Variants in NCAPD3 observed in about 807,000 individuals in gnomAD.
NCAPD3 encodes non-SMC condensin II complex subunit D3, also known as condensin-2 complex subunit D3.
NCAPD3 carries 105 observed loss-of-function variants against 182.9 expected under a neutral mutation model. That is an observed-to-expected ratio of 0.57 (90% CI 0.49 to 0.68). The LOEUF is 0.68. Ranked by LOEUF, NCAPD3 falls within the 30% of genes least tolerant of loss-of-function variation. The pLI is 0.00. For missense variants in NCAPD3, 1,944 were observed against 1,837.0 expected (o/e 1.06, Z -1.07); for synonymous variants, 815 against 679.9 (o/e 1.20, Z -3.09).
chr11:134,173,742 T>C (rs1944080372), intron 24 of NCAPD3: 1 of 152,626 alleles, frequency 6.6e-6, no homozygotes, highest in Non-Finnish European at 1.5e-5. Context: ...CAACTCACTG[T>C]CTGCTTTGTG....
At chr11:134,224,718 G>C (rs901603867), upstream of NCAPD3, 30 of 151,984 alleles carry the variant, frequency 2.0e-4, no homozygotes, top group African/African-American at 6.8e-4. Flanking sequence ...AGGCTGGGCA[G>C]CTCGCAGCGC....
At chr11:134,164,322 G>A (rs958281375) in intron 27 of NCAPD3, among the ~76,000 whole-genome samples, 1 of 152,252 alleles carries the variant, frequency 6.6e-6, no homozygotes, top group African/African-American at 2.4e-5. Flanking sequence ...AGATGACTGA[G>A]GGAGTTTTGA....
intron 3 of NCAPD3, among the ~76,000 whole-genome samples, chr11:134,212,338 AGAG>A (rs547323032): frequency 2.6e-4 from 39 of 151,674 alleles, no homozygotes; most frequent in African/African-American, 9.4e-4. Flanking sequence ...ATAACACACA[AGAG>A]GAGAGGAGAA....
rs1943485897 is a variant in NCAPD3, at chr11:134,158,357, G to T, written c.4006C>A (p.Pro1336Thr). The T allele has an allele frequency of 6.2e-7, 1 of 1,614,086 alleles. No individual in the cohort carries two copies. Among genetic ancestry groups the T allele is most frequent in the Non-Finnish European group, 8.5e-7 (1 of 1,180,054 alleles). ...GCTTTGGGCAGCAACCTCTGCAATG[G>T]CCCTGTTTCAGGTGTAGGAGATGAT... ...AVSSPTPETG[P>T]LQRLLPKARP... The change falls in exon 30 of 35, where the codon CCA becomes ACA. Residue 1336 changes from proline (P) to threonine (T), a missense_variant. This residue lies in a region of NCAPD3 where 1,803 missense variants were observed against 1,674.6 expected (regional missense o/e 1.08). Transcript: ENST00000534548.
chr11:134,174,484 G>A (rs1565532654), intron 24 of NCAPD3, among the ~76,000 whole-genome samples: 2 of 146,848 alleles, frequency 1.4e-5, no homozygotes, highest in Admixed American at 6.9e-5. Flanking sequence ...GGCACAGAAA[G>A]ATACATATAT....
rs746117158 is a variant in NCAPD3, at chr11:134,192,794, A to T, written c.1940T>A (p.Leu647Gln). Residue 647 changes from leucine to glutamine, a missense_variant, in exon 16 of 35, where the codon CTG becomes CAG. Leu to Gln is a moderately radical substitution (Grantham distance 113). Transcript: ENST00000534548. ...EKALEFLDQL[L>Q]LQNIRHHSHF... ...ACTGTGATGCCGGATGTTCTGCAGC[A>T]GCAGCTGGTCCAGGAACTCCAGGGC... 4 of 1,614,246 alleles carry T rather than the reference A, an allele frequency of 2.5e-6. No homozygotes were observed. In the South Asian group the frequency reaches 4.4e-5, roughly 18 times the overall value.
At position 134,151,656 on chromosome 11, in the gene NCAPD3, G is replaced by C. The variant is rs1943240327; in HGVS notation, c.*1288C>G. On this transcript the variant is annotated 3_prime_UTR_variant, in exon 35 of 35. Coordinates refer to ENST00000534548, the MANE Select transcript of NCAPD3 (RefSeq NM_015261.3). ...ATACGAGGCTGTGATTCTGCCTTTG[G>C]ATGGATGTTGCTGTACACAGATGCT... The C allele has an allele frequency of 6.6e-6, 1 of 152,154 alleles. No homozygotes were observed. The highest frequency in any genetic ancestry group is 1.5e-5 in the Non-Finnish European group (1 of 68,046). The allele number at this position is 152,154 out of a possible 1,614,324, so 9.4% of individuals were successfully genotyped here.
At chr11:134,184,871 T>C in intron 18 of NCAPD3, 32 bp downstream of exon 18, 2 of 1,543,674 alleles carry the variant, frequency 1.3e-6, no homozygotes, top group Non-Finnish European at 1.8e-6. Flanking sequence ...CAGCAATGCA[T>C]TTTCACATAA....
At chr11:134,153,548 C>T (rs1230201962) in intron 32 of NCAPD3, 185 bp from the exon 33 acceptor site, 12 of 641,928 alleles carry the variant, frequency 1.9e-5, no homozygotes, top group Non-Finnish European at 2.5e-5. Flanking sequence ...TGCTCCTTTC[C>T]GTCTCTCTGA....
At chr11:134,214,321 T>C (rs927299849) in intron 3 of NCAPD3, among the ~76,000 whole-genome samples, 2 of 151,902 alleles carry the variant, frequency 1.3e-5, no homozygotes, top group African/African-American at 4.8e-5. Flanking sequence ...AACTCAGAGA[T>C]GTAAGTAATG....
intron 22 of NCAPD3, among the ~76,000 whole-genome samples, chr11:134,178,305 TC>T (rs1211849537): frequency 2.6e-5 from 4 of 152,200 alleles, no homozygotes; most frequent in African/African-American, 9.7e-5. Flanking sequence ...ACAGGAATAT[TC>T]AAGTCAAGTG....
At chr11:134,156,964 C>G in intron 32 of NCAPD3, 54 bp downstream of exon 32, 1 of 1,463,102 alleles carries the variant, frequency 6.8e-7, no homozygotes, top group Non-Finnish European at 9.5e-7. Flanking sequence ...GCAAACACAT[C>G]ACGAATGCAG....
chr11:134,205,036 ACTC>A, intron 8 of NCAPD3, 65 bp from the exon 9 acceptor site: 1 of 1,207,232 alleles, frequency 8.3e-7, no homozygotes, highest in South Asian at 1.3e-5. Context: ...AAAAACCACT[ACTC>A]CTATATTTAG....
rs769100678 is a variant in NCAPD3, at chr11:134,208,891, G to A, written c.855C>T (p.Cys285=). 4 of 1,612,600 alleles carry A rather than the reference G, an allele frequency of 2.5e-6. No individual in the cohort carries two copies. In the East Asian group the frequency reaches 6.7e-5, roughly 27 times the overall value. Residue 285 remains cysteine, a synonymous_variant, in exon 7 of 35, where the codon TGC becomes TGT. Coordinates refer to ENST00000534548, the MANE Select transcript of NCAPD3 (RefSeq NM_015261.3). The part of the protein sequence containing the change: ...ELAYYGLYLL[C]SPIHGEGDKV... Reference sequence around the variant, plus strand: ...TATCTCCTTCTCCATGAATGGGAGAGCACAGCAAATACAATCCATAATAAG... The same window carrying A: ...TATCTCCTTCTCCATGAATGGGAGAACACAGCAAATACAATCCATAATAAG...
Position 134,177,222 on chromosome 11 carries a change from C to A in NCAPD3, c.3018G>T (p.Leu1006Phe), listed in dbSNP as rs904284730. 1 of 1,612,386 alleles carries A rather than the reference C, an allele frequency of 6.2e-7. No homozygotes were observed. Among genetic ancestry groups the A allele is most frequent in the Non-Finnish European group, 8.5e-7 (1 of 1,178,394 alleles). ...CAGATTGAACCCCCCTACGCACCTGCAAGAGATTGGTAAGCAAGATGAGTG... is the reference window on the plus strand; with the variant it reads ...CAGATTGAACCCCCCTACGCACCTGAAAGAGATTGGTAAGCAAGATGAGTG... ...KQTLILLTNL[L>F]QEEFVKWKGS... The change falls in exon 23 of 35, where the codon TTG becomes TTT. Residue 1006 changes from leucine (L) to phenylalanine (F), a missense_variant. Coordinates refer to ENST00000534548, the MANE Select transcript of NCAPD3 (RefSeq NM_015261.3).
rs953428156 is a variant in NCAPD3 at position 134,151,090 on chromosome 11, C to G, written c.*1854G>C. 1 of 152,274 alleles carries G rather than the reference C, an allele frequency of 6.6e-6. No individual in the cohort carries two copies. Among genetic ancestry groups the G allele is most frequent in the Non-Finnish European group, 1.5e-5 (1 of 68,066 alleles). 9.4% of individuals were successfully genotyped at this position (152,274 alleles called of 1,614,324 possible). A position where few individuals can be genotyped will look rare whatever the true frequency, so the allele number is the denominator to read the frequency against. On this transcript the variant is annotated 3_prime_UTR_variant, in exon 35 of 35. Coordinates refer to ENST00000534548, the MANE Select transcript of NCAPD3 (RefSeq NM_015261.3). ...GACTGAAGTGCTGTAAAGCAAGGAG[C>G]TGCTGAGAAGGAGCACTCCACTGTG... is the stretch of plus-strand genomic sequence containing the variant.
chr11:134,215,356 C>T (rs1220680973), intron 3 of NCAPD3, among the ~76,000 whole-genome samples: 6 of 152,026 alleles, frequency 3.9e-5, no homozygotes, highest in Non-Finnish European at 8.8e-5. Context: ...ATAGAAAGAA[C>T]CCAGACTAGA....
chr11:134,158,224 G>T, intron 30 of NCAPD3, 105 bp downstream of exon 30: 1 of 1,536,744 alleles, frequency 6.5e-7, no homozygotes, highest in Non-Finnish European at 8.9e-7. Context: ...TGGCAGGCCA[G>T]ACAATGACAA....
intron 27 of NCAPD3, among the ~76,000 whole-genome samples, chr11:134,165,080 CACTT>C (rs770749071): frequency 2.7e-5 from 4 of 150,484 alleles, no homozygotes; most frequent in African/African-American, 9.8e-5. Context: ...GCGGCACACT[CACTT>C]GTGAAATGAG....
Sources: allele counts gnomAD v4.1 joint callset (sites outside exome capture counted in the v4.1 genomes callset), GRCh38; gene constraint gnomAD v4.1.1; regional missense constraint gnomAD v4.1.1; transcripts MANE v1.5; gene names NCBI Gene and HGNC (gene_info 2026-07-23, HGNC 2026-07-21).